The following IQCH variants were observed in gnomAD, a reference collection of about 807,000 sequenced individuals.
The protein encoded by IQCH is IQ domain-containing protein H.
In IQCH, 98 loss-of-function variants were observed where a neutral mutation model predicts 117.0. The ratio of observed to expected loss-of-function variants is 0.84; its 90% CI spans 0.71 to 0.99. IQCH has a LOEUF of 0.99. Ranked by LOEUF, IQCH falls within the 50% of genes least tolerant of loss-of-function variation. The pLI, the probability that IQCH is intolerant of heterozygous loss-of-function variation, is 0.00. For missense variants in IQCH, 1,102 were observed against 1,243.8 expected, an observed-to-expected ratio of 0.89 and a Z score of 1.72; for synonymous variants, 412 against 448.2, an observed-to-expected ratio of 0.92 and a Z score of 1.02.
chr15:67,318,656 A>G (rs982037322), intron 4 of IQCH, among the ~76,000 whole-genome samples: 1 of 152,240 alleles, frequency 6.6e-6, no homozygotes, highest in African/African-American at 2.4e-5. Flanking sequence ...ACATATAATA[A>G]AATTACAATA....
chr15:67,288,276 G>A (rs1966634748), intron 4 of IQCH, among the ~76,000 whole-genome samples: 1 of 152,048 alleles, frequency 6.6e-6, no homozygotes, highest in Non-Finnish European at 1.5e-5. Context: ...CTGTAGTGCA[G>A]ATCAAGTCTG....
intron 16 of IQCH, among the ~76,000 whole-genome samples, chr15:67,451,504 G>C (rs1181096624): frequency 6.6e-6 from 1 of 152,130 alleles, no homozygotes; most frequent in African/African-American, 2.4e-5. Context: ...TCAGGAGCAG[G>C]TTGTTCAGTT....
At position 67,364,931 on chromosome 15, in the gene IQCH, A is replaced by G. The variant is rs1225033578; in HGVS notation, c.753+5046A>G. Among the ~76,000 whole-genome samples the G allele has an allele frequency of 6.6e-6, 1 of 152,176 alleles. No homozygotes were observed. Among genetic ancestry groups the G allele is most frequent in the Non-Finnish European group, 1.5e-5 (1 of 68,036 alleles). ...ATTAAATTATAAATGTTACATTATTAATAAATAATTGTTTTTGTTCTTGTT... is the reference window on the plus strand; with the variant it reads ...ATTAAATTATAAATGTTACATTATTGATAAATAATTGTTTTTGTTCTTGTT... On this transcript the variant is annotated intron_variant, in intron 8 of 20. Transcript: ENST00000335894. This position sits in a 1 kb window ranked among gnomAD's most constrained non-coding sequence, Gnocchi z 4.1.
chr15:67,483,981 C>G (rs949448727), intron 18 of IQCH, among the ~76,000 whole-genome samples: 3 of 152,170 alleles, frequency 2.0e-5, no homozygotes, highest in African/African-American at 7.2e-5. Flanking sequence ...CTAATAAACA[C>G]CTCAAGCTTC....
At chr15:67,455,229 A>C (rs185208220) in intron 16 of IQCH, among the ~76,000 whole-genome samples, 3 of 152,302 alleles carry the variant, frequency 2.0e-5, no homozygotes, top group Admixed American at 2.0e-4. Flanking sequence ...AGTGTTGTAC[A>C]GGATGTAGGT....
At chr15:67,308,402 G>T (rs538625512) in intron 4 of IQCH, among the ~76,000 whole-genome samples, 1 of 152,254 alleles carries the variant, frequency 6.6e-6, no homozygotes, top group Admixed American at 6.5e-5. Context: ...TGTGGAGTCA[G>T]CATCTTGGTC....
intron 4 of IQCH, among the ~76,000 whole-genome samples, chr15:67,286,612 T>TTATG (rs202109588): frequency 2.5e-5 from 2 of 79,196 alleles, no homozygotes; most frequent in African/African-American, 8.7e-5. Context: ...ATTTATTTAT[T>TTATG]TATGTATTTA....
chr15:67,426,328 G>A lies in IQCH; in HGVS notation c.2505+4751G>A, dbSNP rs2081889339. Among the ~76,000 whole-genome samples the A allele has an allele frequency of 6.6e-6, 1 of 152,034 alleles. No homozygotes were observed. Among genetic ancestry groups the A allele is most frequent in the Admixed American group, 6.6e-5 (1 of 15,256 alleles). On this transcript the variant is annotated intron_variant, in intron 16 of 20. Transcript: ENST00000335894. This position sits in a 1 kb window ranked among gnomAD's most constrained non-coding sequence, Gnocchi z 5.1. ...CTATAACTATTTCTATATCTATCAAGTGTTTATATTATAAAACCATGAGTT... is the reference window on the plus strand; with the variant it reads ...CTATAACTATTTCTATATCTATCAAATGTTTATATTATAAAACCATGAGTT...
intron 6 of IQCH, among the ~76,000 whole-genome samples, chr15:67,344,878 G>C (rs143018070): frequency 4.6e-5 from 7 of 152,332 alleles, no homozygotes; most frequent in African/African-American, 1.7e-4. Flanking sequence ...AGACCCAACT[G>C]TATGTGGTCT....
At chr15:67,486,178 G>A (rs8043007) in intron 18 of IQCH, among the ~76,000 whole-genome samples, 129,059 of 151,388 alleles carry the variant, frequency 0.85, 55,066 homozygotes, top group Middle Eastern at 0.89. Flanking sequence ...CTACAGGTGC[G>A]TGCCACCATG....
chr15:67,418,961 G>A (rs2081653204), intron 15 of IQCH, among the ~76,000 whole-genome samples: 2 of 151,866 alleles, frequency 1.3e-5, no homozygotes, highest in African/African-American at 4.8e-5. Context: ...GAAATTTCCA[G>A]ATCTTCCAGC....
chr15:67,366,161 A>C lies in IQCH; in HGVS notation c.754-5950A>C, dbSNP rs1467771859. On this transcript the variant is annotated intron_variant, in intron 8 of 20. Transcript: ENST00000335894. The surrounding 1 kb of genome is among the most constrained non-coding windows in gnomAD (Gnocchi z 4.4). Reference sequence around the variant, plus strand: ...AATTATGATGTGTCTTTGCTCAGAGATCTGGGAATCCAGGCTGCTTTTGAT... The same window carrying C: ...AATTATGATGTGTCTTTGCTCAGAGCTCTGGGAATCCAGGCTGCTTTTGAT... Among the ~76,000 whole-genome samples, 1 of 152,124 alleles carries C rather than the reference A, an allele frequency of 6.6e-6. No individual in the cohort carries two copies. The highest frequency in any genetic ancestry group is 1.5e-5 in the Non-Finnish European group (1 of 68,034).
chr15:67,255,781 C>T (rs372649504), intron 1 of IQCH, among the ~76,000 whole-genome samples: 1 of 152,290 alleles, frequency 6.6e-6, no homozygotes. Context: ...GATCTCTTAC[C>T]TCCCATCTAG....
At chr15:67,449,086 G>A (rs1451402418) in intron 16 of IQCH, among the ~76,000 whole-genome samples, 2 of 150,432 alleles carry the variant, frequency 1.3e-5, no homozygotes, top group African/African-American at 4.9e-5. Context: ...TTTTTTTCTT[G>A]TAAATTTGTT....
intron 4 of IQCH, among the ~76,000 whole-genome samples, chr15:67,292,370 G>A (rs1034265855): frequency 1.3e-5 from 2 of 152,104 alleles, no homozygotes; most frequent in African/African-American, 4.8e-5. Context: ...TCCTGCCTCA[G>A]CCTCCCGAGT....
chr15:67,422,914 C>T lies in IQCH; in HGVS notation c.2505+1337C>T, dbSNP rs150984247. On this transcript the variant is annotated intron_variant, in intron 16 of 20. Coordinates refer to ENST00000335894, the MANE Select transcript of IQCH (RefSeq NM_001031715.3). This position sits in a 1 kb window ranked among gnomAD's most constrained non-coding sequence, Gnocchi z 4.7. ...CCTCCTGGCCTTCCTCTCTCGATAT[C>T]GCGATATCCTCTGGTCATCCGCATT... is the stretch of plus-strand genomic sequence containing the variant. 3.3e-5 allele frequency among the ~76,000 whole-genome samples: 5 copies of T among 152,304 alleles called. No individual in the cohort carries two copies. The highest frequency in any genetic ancestry group is 9.6e-5 in the African/African-American group (4 of 41,568).
intron 16 of IQCH, among the ~76,000 whole-genome samples, chr15:67,452,864 A>G (rs2082566385): frequency 6.6e-6 from 1 of 152,038 alleles, no homozygotes; most frequent in Non-Finnish European, 1.5e-5. Context: ...AGGTACACCA[A>G]TCAGACGTAG....
Position 67,436,569 on chromosome 15 carries a change from C to T in IQCH, c.2505+14992C>T, listed in dbSNP as rs1000031142. 4.6e-5 allele frequency among the ~76,000 whole-genome samples: 7 copies of T among 152,124 alleles called. No homozygotes were observed. The highest frequency in any genetic ancestry group is 1.4e-4 in the African/African-American group (6 of 41,410). On this transcript the variant is annotated intron_variant, in intron 16 of 20. Transcript: ENST00000335894. The surrounding 1 kb of genome is among the most constrained non-coding windows in gnomAD (Gnocchi z 5.1). Reference sequence around the variant, plus strand: ...TTGAACAGGGTGAGAAGCCTCCTGGCGAGAACTCAGGGGAGGGCACAAATC... The same window carrying T: ...TTGAACAGGGTGAGAAGCCTCCTGGTGAGAACTCAGGGGAGGGCACAAATC...
intron 4 of IQCH, 128 bp downstream of exon 4, chr15:67,279,640 A>G: frequency 1.8e-6 from 1 of 563,458 alleles, no homozygotes. Flanking sequence ...CATGTTCTAG[A>G]ATTATATAGT....
Sources: gnomAD v4.1 joint callset for allele counts (sites outside exome capture counted in the v4.1 genomes callset) on GRCh38, gnomAD v4.1.1 for gene constraint, Gnocchi (gnomAD v3.1) non-coding constraint, MANE v1.5 for transcripts, NCBI Gene and HGNC (gene_info 2026-07-23, HGNC 2026-07-21) for gene names.